Variants in SMIM9 observed in about 807,000 individuals in gnomAD.
SMIM9 encodes small integral membrane protein 9.
SMIM9 carries 8 observed loss-of-function variants against 7.2 expected under a neutral mutation model. The ratio of observed to expected loss-of-function variants is 1.10; its 90% CI spans 0.65 to 1.99. SMIM9 has a LOEUF of 1.99. SMIM9 is among the 30% of genes most tolerant of loss of function. The pLI is 0.00. For synonymous variants in SMIM9, 19 were observed against 26.4 expected (o/e 0.72, Z 0.86); for missense variants, 76 against 69.3 (o/e 1.10, Z -0.34).
intron 4 of SMIM9, among the ~76,000 whole-genome samples, chrX:154,827,028 A>G (rs1277288583): frequency 8.9e-6 from 1 of 112,682 alleles, no homozygotes; most frequent in African/African-American, 3.2e-5. Flanking sequence ...CTGGGTCCAG[A>G]AATGTTTCTT....
At chrX:154,824,952 A>G (rs2072414441) in intron 4 of SMIM9, among the ~76,000 whole-genome samples, 1 of 112,179 alleles carries the variant, frequency 8.9e-6, no homozygotes, top group South Asian at 3.7e-4. Flanking sequence ...TGCAATCCTC[A>G]CTGTGAAATG....
At chrX:154,829,500 TCTCCTCC>T (rs2072435212) in intron 4 of SMIM9, 28 bp downstream of exon 4, 1 of 1,159,405 alleles carries the variant, frequency 8.6e-7, no homozygotes, top group African/African-American at 1.8e-5. Flanking sequence ...ACATTCCCTC[TCTCCTCC>T]CTGTCTCTTC....
chrX:154,824,355 C>CAAAAAAAAAAAAAAAAAAAA (rs375492512), intron 4 of SMIM9, among the ~76,000 whole-genome samples: 10 of 42,350 alleles, frequency 2.4e-4, no homozygotes, highest in Non-Finnish European at 3.8e-4. Flanking sequence ...GACTCCGTCT[C>CAAAAAAAAAAAAAAAAAAAA]AAAAAAAAAA....
At chrX:154,831,985 A>G (rs182516232) in intron 2 of SMIM9, among the ~76,000 whole-genome samples, 5 of 111,156 alleles carry the variant, frequency 4.5e-5, no homozygotes, top group African/African-American at 1.6e-4. Context: ...ATTTTACTTT[A>G]CTTTATTATA....
At chrX:154,827,965 A>C (rs1247189295) in intron 4 of SMIM9, among the ~76,000 whole-genome samples, 13 of 111,752 alleles carry the variant, frequency 1.2e-4, no homozygotes, top group African/African-American at 3.9e-4. Context: ...GTGGGGTTAG[A>C]GAGGTCCAGC....
chrX:154,830,026 G>A (rs2072437757), intron 3 of SMIM9, among the ~76,000 whole-genome samples: 1 of 111,705 alleles, frequency 9.0e-6, no homozygotes, highest in Non-Finnish European at 1.9e-5. Flanking sequence ...AGTCCTGCAG[G>A]AGGCTGAGGA....
At chrX:154,825,472 G>T (rs1557270178) in intron 4 of SMIM9, among the ~76,000 whole-genome samples, 1 of 110,624 alleles carries the variant, frequency 9.0e-6, no homozygotes, top group African/African-American at 3.3e-5. Context: ...ACTGTTGGTG[G>T]GACTGTAAAC....
chrX:154,823,734 C>A lies in SMIM9; in HGVS notation c.*21G>T. On this transcript the variant is annotated 3_prime_UTR_variant, in exon 5 of 5. Transcript: ENST00000369529. ...GTCCAACTGGAGAGACCACACTTGC[C>A]CTGTTGAATCTTCTAGTTCTTCAGT... 8.6e-7 allele frequency: 1 copy of A among 1,156,315 alleles called. No homozygotes were observed. Among genetic ancestry groups the A allele is most frequent in the South Asian group, 2.0e-5 (1 of 50,397 alleles).
intron 1 of SMIM9, among the ~76,000 whole-genome samples, chrX:154,834,104 A>C (rs781793694): frequency 8.9e-6 from 1 of 112,565 alleles, no homozygotes; most frequent in Non-Finnish European, 1.9e-5. Context: ...AATTCCTCTA[A>C]ACCCTCATAT....
chrX:154,824,355 CA>C (rs375492512), intron 4 of SMIM9, among the ~76,000 whole-genome samples: 65 of 42,429 alleles, frequency 1.5e-3, no homozygotes, highest in African/African-American at 4.9e-3. Context: ...GACTCCGTCT[CA>C]AAAAAAAAAA....
At chrX:154,825,216 C>T (rs1191947000) in intron 4 of SMIM9, among the ~76,000 whole-genome samples, 2 of 110,724 alleles carry the variant, frequency 1.8e-5, no homozygotes, top group Non-Finnish European at 3.8e-5. Flanking sequence ...GGTGAAACCC[C>T]GTCTCTACAA....
chrX:154,829,042 A>G (rs782261762), intron 4 of SMIM9, among the ~76,000 whole-genome samples: 1 of 112,290 alleles, frequency 8.9e-6, no homozygotes, highest in South Asian at 3.7e-4. Context: ...CTTTCTAGCA[A>G]CAAGCACAGA....
intron 4 of SMIM9, among the ~76,000 whole-genome samples, chrX:154,826,105 A>G (rs2072421009): frequency 9.0e-6 from 1 of 111,496 alleles, no homozygotes; most frequent in East Asian, 2.8e-4. Context: ...AAAAAGAAAA[A>G]ATTATAACTT....
intron 4 of SMIM9, among the ~76,000 whole-genome samples, chrX:154,827,719 T>C (rs1557270314): frequency 8.9e-6 from 1 of 112,529 alleles, no homozygotes; most frequent in African/African-American, 3.2e-5. Flanking sequence ...CAGTCTGTCT[T>C]TCTGATCACC....
chrX:154,831,450 ACT>A (rs1268983774), intron 2 of SMIM9, among the ~76,000 whole-genome samples: 3 of 111,536 alleles, frequency 2.7e-5, no homozygotes, highest in African/African-American at 9.8e-5. Context: ...TATAGTAATG[ACT>A]CTTCTTTTTC....
At chrX:154,825,316 C>G (rs782000476) in intron 4 of SMIM9, among the ~76,000 whole-genome samples, 1 of 107,140 alleles carries the variant, frequency 9.3e-6, no homozygotes, top group South Asian at 4.1e-4. Context: ...CGATTCAACC[C>G]GGGAAGCAGA....
chrX:154,833,504 A>G (rs2072453149), intron 1 of SMIM9, among the ~76,000 whole-genome samples: 1 of 111,425 alleles, frequency 9.0e-6, no homozygotes, highest in South Asian at 3.8e-4. Flanking sequence ...GCATGCCTGT[A>G]GTCCCAGCTA....
chrX:154,834,555 T>C lies in SMIM9; in HGVS notation c.-210+8A>G, dbSNP rs1283995339. 1.8e-5 allele frequency: 2 copies of C among 112,333 alleles called. No individual in the cohort carries two copies. The highest frequency in any genetic ancestry group is 3.2e-5 in the African/African-American group (1 of 30,887). 9.3% of individuals were successfully genotyped at this position (112,333 alleles called of 1,213,427 possible). A position where few individuals can be genotyped will look rare whatever the true frequency, so the allele number is the denominator to read the frequency against. ...CAACTTAGCAACTGTGAAGAAAACA[T>C]TTATTACCTTATAGTTTCTGTAGGT... On this transcript the variant is annotated splice_region_variant and intron_variant, in intron 1 of 4. Transcript: ENST00000369529.
rs2072436218 is a variant in SMIM9, at chrX:154,829,646, A to G, written c.161T>C (p.Leu54Pro). The change falls in exon 4 of 5, where the codon CTG (leucine) becomes CCG (proline). Residue 54 changes from leucine (L) to proline (P), a missense_variant. By Grantham distance (98) the Leu-to-Pro change is moderately conservative. Transcript: ENST00000369529. ...CCATAAGTAATCCCTGAAGTTGTTC[A>G]GCCAGGACCTGTGATTACCTGCAGA... Reference protein sequence around the residue: ...PRSGGNHRSWLNNFRDYLWQL... With the variant: ...PRSGGNHRSWPNNFRDYLWQL... 1 of 1,166,031 alleles carries G rather than the reference A, an allele frequency of 8.6e-7. No individual in the cohort carries two copies.
Sources: allele counts gnomAD v4.1 joint callset (sites outside exome capture counted in the v4.1 genomes callset), GRCh38; gene constraint gnomAD v4.1.1; transcripts MANE v1.5; gene names NCBI Gene and HGNC (gene_info 2026-07-23, HGNC 2026-07-21).